BMPR1B: variants seen among roughly 807,000 people sequenced by gnomAD.
BMPR1B encodes bone morphogenetic protein receptor type 1B, also known as bone morphogenetic protein receptor type-1B.
BMPR1B carries 12 observed loss-of-function variants against 59.1 expected under a neutral mutation model. The ratio of observed to expected loss-of-function variants is 0.20; its 90% CI spans 0.13 to 0.33. The LOEUF is 0.33. BMPR1B is among the 10% of genes least tolerant of loss of function. BMPR1B has a pLI of 1.00. For synonymous variants in BMPR1B, 237 were observed against 207.3 expected (o/e 1.14, Z -1.23); for missense variants, 550 against 610.9 (o/e 0.90, Z 1.05).
chr4:94,922,501 T>A (rs1728742004), intron 2 of BMPR1B, among the ~76,000 whole-genome samples: 1 of 152,164 alleles, frequency 6.6e-6, no homozygotes, highest in Admixed American at 6.5e-5. Flanking sequence ...ATTTCAATAG[T>A]CTGTTGATAA....
intron 2 of BMPR1B, among the ~76,000 whole-genome samples, chr4:94,891,983 C>G (rs144456290): frequency 6.6e-6 from 1 of 152,010 alleles, no homozygotes; most frequent in Non-Finnish European, 1.5e-5. Context: ...TAAATTGAGT[C>G]CCTCTGACAT....
At chr4:94,957,449 G>A (rs1027954441) in intron 2 of BMPR1B, among the ~76,000 whole-genome samples, 2 of 149,688 alleles carry the variant, frequency 1.3e-5, no homozygotes, top group African/African-American at 2.5e-5. Context: ...AAGACTTTAG[G>A]ATGTTTAAAA....
chr4:94,902,249 C>CAGAGAGAGAGAG (rs142124519), intron 2 of BMPR1B, among the ~76,000 whole-genome samples: 2 of 68,990 alleles, frequency 2.9e-5, no homozygotes, highest in African/African-American at 1.1e-4. Context: ...CACACACACA[C>CAGAGAGAGAGAG]AGAGAGAGAG....
At chr4:95,095,916 A>C (rs1478731116) in intron 3 of BMPR1B, among the ~76,000 whole-genome samples, 1 of 151,792 alleles carries the variant, frequency 6.6e-6, no homozygotes, top group Non-Finnish European at 1.5e-5. Context: ...ATATTACTAA[A>C]ACTAAATACA....
Position 94,841,307 on chromosome 4 carries a change from G to A in BMPR1B, c.-182-34524G>A, listed in dbSNP as rs532791776. Among the ~76,000 whole-genome samples the A allele has an allele frequency of 4.2e-4, 62 of 148,326 alleles. 3 individuals are homozygous for A. Among genetic ancestry groups the A allele is most frequent in the African/African-American group, 1.5e-3 (61 of 40,270 alleles). On this transcript the variant is annotated intron_variant, in intron 1 of 12. Transcript: ENST00000515059. Reference sequence around the variant, plus strand: ...GGCTCCACCCAGTTCGAGCTTCCTGGCTGCTTTGTTTACCTAAGCAAGCCT... The same window carrying A: ...GGCTCCACCCAGTTCGAGCTTCCTGACTGCTTTGTTTACCTAAGCAAGCCT...
At chr4:95,097,476 T>G (rs1730511145) in intron 3 of BMPR1B, among the ~76,000 whole-genome samples, 1 of 152,148 alleles carries the variant, frequency 6.6e-6, no homozygotes, top group Non-Finnish European at 1.5e-5. Flanking sequence ...GAAGAAATAA[T>G]CAATTTTGTT....
At chr4:95,124,451 G>A (rs2149291650) in intron 7 of BMPR1B, among the ~76,000 whole-genome samples, 1 of 151,868 alleles carries the variant, frequency 6.6e-6, no homozygotes, top group East Asian at 1.9e-4. Context: ...TTACTCATTT[G>A]AGATACTCTG....
rs116789773 is a variant in BMPR1B, at chr4:94,946,774, G to A, written c.-112-49266G>A. 3.4e-3 allele frequency among the ~76,000 whole-genome samples: 523 copies of A among 152,234 alleles called. 1 individual carries two copies. The highest frequency in any genetic ancestry group is 0.012 in the African/African-American group (498 of 41,546). On this transcript the variant is annotated intron_variant, in intron 2 of 12. Transcript: ENST00000515059. ...ATATTCAAAAGGGCAAATTTGGTCA[G>A]GCGTGGTGGCTCACATCTGTAATCC...
Position 94,873,063 on chromosome 4 carries a change from A to AT in BMPR1B, c.-182-2757dup, listed in dbSNP as rs879832333. Among the ~76,000 whole-genome samples, 571 of 147,876 alleles carry AT rather than the reference A, an allele frequency of 3.9e-3. 5 individuals are homozygous for AT. Among genetic ancestry groups the AT allele is most frequent in the African/African-American group, 0.012 (503 of 40,484 alleles). Reference sequence around the variant, plus strand: ...ACTATATCTAGAAATAATCTATATGATTTTTTTTTTTGGCCATAAGCCAGA... The same window carrying AT: ...ACTATATCTAGAAATAATCTATATGATTTTTTTTTTTTGGCCATAAGCCAGA... On this transcript the variant is annotated intron_variant, in intron 1 of 12. Transcript: ENST00000515059.
At chr4:95,085,260 G>A (rs904518174) in intron 3 of BMPR1B, among the ~76,000 whole-genome samples, 1 of 152,166 alleles carries the variant, frequency 6.6e-6, no homozygotes, top group African/African-American at 2.4e-5. Flanking sequence ...TGTGTGAGAA[G>A]AGATGGGATC....
intron 3 of BMPR1B, among the ~76,000 whole-genome samples, chr4:95,002,695 T>C (rs555526782): frequency 6.6e-6 from 1 of 152,322 alleles, no homozygotes; most frequent in African/African-American, 2.4e-5. Context: ...ATCAAAGTGA[T>C]CTTCATGGTT....
At chr4:94,977,375 G>A (rs561283415) in intron 2 of BMPR1B, among the ~76,000 whole-genome samples, 3 of 151,816 alleles carry the variant, frequency 2.0e-5, no homozygotes, top group African/African-American at 7.2e-5. Flanking sequence ...ACTATACCTG[G>A]TATTTTATTT....
At chr4:94,921,329 T>C (rs1308531679) in intron 2 of BMPR1B, among the ~76,000 whole-genome samples, 3 of 152,196 alleles carry the variant, frequency 2.0e-5, no homozygotes, top group Admixed American at 6.5e-5. Context: ...ACAAGTGCAT[T>C]ACTCAGTTCT....
chr4:95,118,726 G>C (rs1048343234), intron 6 of BMPR1B, among the ~76,000 whole-genome samples: 1 of 152,172 alleles, frequency 6.6e-6, no homozygotes, highest in Non-Finnish European at 1.5e-5. Flanking sequence ...TCTGGCTGTG[G>C]CTTGAATGTT....
intron 2 of BMPR1B, among the ~76,000 whole-genome samples, chr4:94,885,228 T>A (rs1047961543): frequency 3.9e-5 from 6 of 152,058 alleles, no homozygotes; most frequent in African/African-American, 1.2e-4. Context: ...AGCCACTGAG[T>A]TTTAGGGTAG....
intron 2 of BMPR1B, among the ~76,000 whole-genome samples, chr4:94,906,213 G>C (rs1285954931): frequency 2.0e-5 from 3 of 152,008 alleles, no homozygotes; most frequent in Admixed American, 6.6e-5. Flanking sequence ...TATTGGGTAA[G>C]TCAGCCAGTT....
At chr4:94,910,303 C>T (rs1460349698) in intron 2 of BMPR1B, among the ~76,000 whole-genome samples, 1 of 151,954 alleles carries the variant, frequency 6.6e-6, no homozygotes, top group Non-Finnish European at 1.5e-5. Flanking sequence ...TTAAAGTTTG[C>T]CTCATTTTAT....
intron 11 of BMPR1B, among the ~76,000 whole-genome samples, chr4:95,151,681 G>T (rs762811074): frequency 1.3e-5 from 2 of 152,078 alleles, no homozygotes; most frequent in Non-Finnish European, 2.9e-5. Context: ...CCAGATTTTG[G>T]CAGAGTAAGC....
At chr4:94,985,437 C>G (rs1578882682) in intron 2 of BMPR1B, among the ~76,000 whole-genome samples, 1 of 151,782 alleles carries the variant, frequency 6.6e-6, no homozygotes, top group East Asian at 1.9e-4. Flanking sequence ...AAGTGAGACA[C>G]TGAAATTTTT....
Sources: allele counts gnomAD v4.1 joint callset (sites outside exome capture counted in the v4.1 genomes callset), GRCh38; gene constraint gnomAD v4.1.1; transcripts MANE v1.5; gene names NCBI Gene and HGNC (gene_info 2026-07-23, HGNC 2026-07-21).